The following FRK variants were observed in gnomAD, a reference collection of about 807,000 sequenced individuals.
FRK encodes the protein tyrosine-protein kinase FRK.
A neutral mutation model predicts 56.4 loss-of-function variants in FRK; 51 were observed. The observed-to-expected ratio is 0.90, with a 90% CI of 0.72 to 1.14. The LOEUF (loss-of-function observed/expected upper bound fraction) is 1.14, where lower values mean the gene tolerates loss of function less well. FRK is among the 50% of genes most tolerant of loss of function. FRK has a pLI of 0.00. For missense variants in FRK, 570 were observed against 601.4 expected (o/e 0.95, Z 0.55); for synonymous variants, 245 against 217.9 (o/e 1.12, Z -1.10).
At chr6:115,950,865 T>C (rs1405739388) in intron 5 of FRK, among the ~76,000 whole-genome samples, 1 of 152,228 alleles carries the variant, frequency 6.6e-6, no homozygotes, top group East Asian at 1.9e-4. Context: ...TCATGTCCTT[T>C]GCAGGAACAT....
the FRK span, among the ~76,000 whole-genome samples, chr6:116,075,194 T>C: frequency 6.6e-6 from 1 of 152,192 alleles, no homozygotes; most frequent in Non-Finnish European, 1.5e-5. Context: ...ACAGATTCTA[T>C]GCTAGGTCCC....
In FRK at chr6:115,956,550, G is replaced by C. The variant is rs775194998; in HGVS notation, c.860C>G (p.Pro287Arg). The C allele has an allele frequency of 4.1e-5, 65 of 1,592,564 alleles. No homozygotes were observed. Among genetic ancestry groups the C allele is most frequent in the Non-Finnish European group, 5.3e-5 (62 of 1,169,870 alleles). Reference protein sequence around the residue: ...EAQIMKNLRHPKLIQLYAVCT... With the variant: ...EAQIMKNLRHRKLIQLYAVCT... ...AACAGCATAAAGCTGGATAAGCTTTGGATGTCTTAGGTTCTTCATTATCTG... is the reference window on the plus strand; with the variant it reads ...AACAGCATAAAGCTGGATAAGCTTTCGATGTCTTAGGTTCTTCATTATCTG... The change falls in exon 5 of 8, where the codon CCA (proline) becomes CGA (arginine). Residue 287 changes from proline to arginine, a missense_variant. Coordinates refer to ENST00000606080, the MANE Select transcript of FRK (RefSeq NM_002031.3).
the FRK span, among the ~76,000 whole-genome samples, chr6:116,096,047 C>A: frequency 1.3e-5 from 2 of 152,298 alleles, no homozygotes; most frequent in Non-Finnish European, 2.9e-5. Flanking sequence ...TTATTTTTAA[C>A]CTCCTTGTCA....
chr6:115,984,881 T>C (rs1483292362), intron 2 of FRK, among the ~76,000 whole-genome samples: 1 of 152,072 alleles, frequency 6.6e-6, no homozygotes, highest in Non-Finnish European at 1.5e-5. Flanking sequence ...AATTTAGAGA[T>C]CTTCATTTGG....
intron 1 of FRK, among the ~76,000 whole-genome samples, chr6:116,040,753 G>C (rs556701445): frequency 2.6e-5 from 4 of 152,268 alleles, no homozygotes. Flanking sequence ...ATGGAAACGG[G>C]AAGAATTCAT....
chr6:115,989,916 C>A (rs143191154), intron 2 of FRK, among the ~76,000 whole-genome samples: 1 of 151,846 alleles, frequency 6.6e-6, no homozygotes, highest in African/African-American at 2.4e-5. Flanking sequence ...AGTGCACAAG[C>A]ATTCCCTTTT....
In FRK at chr6:115,940,464, C is replaced by G. The variant is rs553155313; in HGVS notation, c.*1950G>C. ...ACACAAAAACCAATGGCAACAAAAG[C>G]CCAAATTGAGAAATGGGATCTAATT... On this transcript the variant is annotated 3_prime_UTR_variant, in exon 8 of 8. Transcript: ENST00000606080. 6.6e-6 allele frequency: 1 copy of G among 152,042 alleles called. No individual in the cohort carries two copies. Among genetic ancestry groups the G allele is most frequent in the Non-Finnish European group, 1.5e-5 (1 of 68,024 alleles). 9.4% of individuals were successfully genotyped at this position (152,042 alleles called of 1,614,324 possible).
In FRK at chr6:115,944,276, C is replaced by T. The variant is rs1307436084; in HGVS notation, c.1108G>A (p.Val370Ile). 1 of 1,611,090 alleles carries T rather than the reference C, an allele frequency of 6.2e-7. No individual in the cohort carries two copies. Among genetic ancestry groups the T allele is most frequent in the Non-Finnish European group, 8.5e-7 (1 of 1,179,254 alleles). Residue 370 changes from valine (V) to isoleucine (I), a missense_variant, in exon 6 of 8, where the codon GTA becomes ATA. Val to Ile is a conservative substitution (Grantham distance 29, BLOSUM62 3). Transcript: ENST00000606080. ...VLVGEHNIYK[V>I]ADFGLARVFK... ...ACTCTGGCAAGTCCAAAATCTGCTA[C>T]TTTGTAGATATTATGTTCACCAACG...
chr6:115,981,599 A>C (rs1774202853), intron 2 of FRK, among the ~76,000 whole-genome samples: 1 of 152,102 alleles, frequency 6.6e-6, no homozygotes, highest in Non-Finnish European at 1.5e-5. Flanking sequence ...TAATGAGGGA[A>C]AATCTCAGGA....
intron 2 of FRK, among the ~76,000 whole-genome samples, chr6:115,978,017 A>G (rs1302895569): frequency 6.6e-6 from 1 of 152,194 alleles, no homozygotes; most frequent in East Asian, 1.9e-4. Context: ...ATTTCCCATG[A>G]AAACAGCATT....
At chr6:115,954,326 T>A (rs1022775297) in intron 5 of FRK, among the ~76,000 whole-genome samples, 4 of 152,148 alleles carry the variant, frequency 2.6e-5, no homozygotes, top group Non-Finnish European at 5.9e-5. Context: ...ATGCTCTGAT[T>A]TACATTTTAA....
At chr6:116,001,098 T>C (rs1374509153) in intron 2 of FRK, among the ~76,000 whole-genome samples, 1 of 151,912 alleles carries the variant, frequency 6.6e-6, no homozygotes, top group Admixed American at 6.6e-5. Context: ...ATTAGCCAGA[T>C]GTGGTGGCAC....
chr6:116,038,304 G>A (rs1776563956), intron 1 of FRK, among the ~76,000 whole-genome samples: 1 of 151,928 alleles, frequency 6.6e-6, no homozygotes, highest in Non-Finnish European at 1.5e-5. Flanking sequence ...ATAATTTAAG[G>A]TTCTAAAATG....
chr6:115,965,942 C>A (rs1773549477), intron 4 of FRK, among the ~76,000 whole-genome samples: 1 of 96,070 alleles, frequency 1.0e-5, no homozygotes, highest in African/African-American at 4.0e-5. Flanking sequence ...GGAGATATAC[C>A]TAATGCTAGA....
chr6:116,017,872 C>G (rs1175922953), intron 1 of FRK, among the ~76,000 whole-genome samples: 1 of 152,098 alleles, frequency 6.6e-6, no homozygotes, highest in Non-Finnish European at 1.5e-5. Context: ...CCAGTCCACT[C>G]TGCCTCACAC....
intron 2 of FRK, 152 bp downstream of exon 2, chr6:116,003,725 T>C (rs1775146264): frequency 1.4e-6 from 1 of 727,248 alleles, no homozygotes; most frequent in Admixed American, 2.9e-5. Flanking sequence ...CTAATTTTTA[T>C]ATTACTCTTA....
At position 116,059,071 on chromosome 6, in the gene FRK, C is replaced by G. The variant is rs1322721288; in HGVS notation, c.344+897G>C. On this transcript the variant is annotated intron_variant, in intron 1 of 7. Transcript: ENST00000606080. Reference sequence around the variant, plus strand: ...ATCCATTGTCAAGACTATGTTTTATCCACTTTGTATTCAGTCACTACTAGA... The same window carrying G: ...ATCCATTGTCAAGACTATGTTTTATGCACTTTGTATTCAGTCACTACTAGA... Among the ~76,000 whole-genome samples the G allele has an allele frequency of 2.0e-5, 3 of 152,210 alleles. No homozygotes were observed. In the East Asian group the frequency reaches 5.8e-4, roughly 29 times the overall value.
chr6:115,951,244 A>G (rs1483814255), intron 5 of FRK, among the ~76,000 whole-genome samples: 3 of 152,196 alleles, frequency 2.0e-5, no homozygotes, highest in Admixed American at 2.0e-4. Flanking sequence ...GCCTGTCACA[A>G]GGTACTACAG....
chr6:116,064,720 A>G (rs1777727141), upstream of FRK, among the ~76,000 whole-genome samples: 1 of 152,160 alleles, frequency 6.6e-6, no homozygotes, highest in Admixed American at 6.5e-5. Flanking sequence ...TCCTTATAGC[A>G]AATTGCCACC....
Sources: gnomAD v4.1 joint callset for allele counts (sites outside exome capture counted in the v4.1 genomes callset) on GRCh38, gnomAD v4.1.1 for gene constraint, MANE v1.5 for transcripts, NCBI Gene and HGNC (gene_info 2026-07-23, HGNC 2026-07-21) for gene names.